The following RYR3 variants were observed in gnomAD, a reference collection of about 807,000 sequenced individuals.
The protein encoded by RYR3 is ryanodine receptor 3.
RYR3 carries 207 observed loss-of-function variants against 584.3 expected under a neutral mutation model. The observed-to-expected ratio is 0.35, with a 90% CI of 0.32 to 0.40. The LOEUF (loss-of-function observed/expected upper bound fraction) is 0.40, where lower values mean the gene tolerates loss of function less well. Among genes scored for constraint, RYR3 ranks in the 10% least tolerant of loss-of-function variants. The probability of loss-of-function intolerance (pLI) is 1.00; values close to 1 mark genes in which losing one functional copy is unlikely to be tolerated. For synonymous variants in RYR3, 2,416 were observed against 2,248.5 expected, an observed-to-expected ratio of 1.07 and a Z score of -2.11; for missense variants, 5,616 against 6,089.2, an observed-to-expected ratio of 0.92 and a Z score of 2.59.
intron 38 of RYR3, among the ~76,000 whole-genome samples, chr15:33,694,547 A>ATT (rs34090098): frequency 6.6e-6 from 1 of 151,820 alleles, no homozygotes; most frequent in East Asian, 1.9e-4. Flanking sequence ...CCTGGCCTAG[A>ATT]TTTTTTTGAA....
intron 1 of RYR3, among the ~76,000 whole-genome samples, chr15:33,364,567 T>C (rs543721832): frequency 1.3e-3 from 198 of 152,280 alleles, no homozygotes; most frequent in Admixed American, 3.4e-3. Context: ...ACTTCAAATA[T>C]TTGGGCCTGT....
In RYR3 at chr15:33,586,071, C is replaced by G. The variant is rs762956231; in HGVS notation, c.1743C>G (p.Ile581Met). 1 of 1,613,372 alleles carries G rather than the reference C, an allele frequency of 6.2e-7. No individual in the cohort carries two copies. The highest frequency in any genetic ancestry group is 2.2e-5 in the East Asian group (1 of 44,870). The change falls in exon 16 of 104, where the codon ATC becomes ATG. Residue 581 changes from isoleucine (I) to methionine (M), a missense_variant. Physicochemically the swap from Ile to Met is conservative, Grantham distance 10. Transcript: ENST00000634891. ...TAAATCTGATAGCGGAGGGCCACATCAAGTCGATCATCTCCCTGTTGGATA... is the reference window on the plus strand; with the variant it reads ...TAAATCTGATAGCGGAGGGCCACATGAAGTCGATCATCTCCCTGTTGGATA... Reference protein sequence around the residue: ...EALNLIAEGHIKSIISLLDKH... With the variant: ...EALNLIAEGHMKSIISLLDKH...
intron 92 of RYR3, among the ~76,000 whole-genome samples, chr15:33,843,911 G>A (rs916072545): frequency 6.6e-6 from 1 of 152,106 alleles, no homozygotes; most frequent in Admixed American, 6.5e-5. Flanking sequence ...CTTTCTTCAA[G>A]GAATAAGGTA....
At position 33,813,012 on chromosome 15, in the gene RYR3, T is replaced by G. The variant is rs1275394282; in HGVS notation, c.10389+18T>G. The G allele has an allele frequency of 6.2e-7, 1 of 1,613,652 alleles. No homozygotes were observed. The highest frequency in any genetic ancestry group is 1.3e-5 in the African/African-American group (1 of 74,908). On this transcript the variant is annotated intron_variant, in intron 73 of 103. Coordinates refer to ENST00000634891, the MANE Select transcript of RYR3 (RefSeq NM_001036.6). ...TGGAACAGGTAAGGAGCATCTGCCC[T>G]GAGGAATGGGGAAGCAGAAACACCC...
intron 48 of RYR3, among the ~76,000 whole-genome samples, chr15:33,735,766 G>T (rs1235889892): frequency 1.3e-5 from 2 of 152,148 alleles, no homozygotes; most frequent in Non-Finnish European, 2.9e-5. Context: ...CCAGTAGTGA[G>T]AATTTCATGG....
chr15:33,742,616 T>C (rs55804668), intron 52 of RYR3, among the ~76,000 whole-genome samples, 172 bp downstream of exon 52: 2,379 of 152,272 alleles, frequency 0.016, 27 homozygotes, highest in Middle Eastern at 0.048. Context: ...GTCAAAGAAA[T>C]AGGTGACAGC....
intron 23 of RYR3, among the ~76,000 whole-genome samples, chr15:33,632,174 T>C (rs1470198398): frequency 6.6e-6 from 1 of 152,254 alleles, no homozygotes; most frequent in East Asian, 1.9e-4. Context: ...CCTGGATGGA[T>C]TGAGCCCTGG....
At chr15:33,466,693 G>A (rs999647483) in intron 1 of RYR3, among the ~76,000 whole-genome samples, 2 of 152,182 alleles carry the variant, frequency 1.3e-5, no homozygotes, top group African/African-American at 4.8e-5. Context: ...TATTGTAGAA[G>A]CAAACAGGGT....
At chr15:33,711,234 CATT>C (rs1409089191) in intron 43 of RYR3, among the ~76,000 whole-genome samples, 1,381 of 84,484 alleles carry the variant, frequency 0.016, 37 homozygotes, top group African/African-American at 0.056. Flanking sequence ...TTCTTTCTTT[CATT>C]TTTTTTTTTT....
intron 14 of RYR3, among the ~76,000 whole-genome samples, chr15:33,583,894 A>G (rs573179573): frequency 9.9e-5 from 15 of 152,206 alleles, no homozygotes; most frequent in African/African-American, 3.6e-4. Flanking sequence ...TCTACTAAAA[A>G]TACAAAAATT....
At chr15:33,695,639 A>G (rs1288835388) in intron 38 of RYR3, among the ~76,000 whole-genome samples, 1 of 152,152 alleles carries the variant, frequency 6.6e-6, no homozygotes, top group African/African-American at 2.4e-5. Flanking sequence ...CCCAGTGTGG[A>G]TGCAAGTATT....
intron 92 of RYR3, 140 bp from the exon 93 acceptor site, chr15:33,844,722 A>G (rs1236372524): frequency 5.5e-6 from 4 of 731,496 alleles, no homozygotes; most frequent in Non-Finnish European, 8.8e-6. Flanking sequence ...TAAGTCACCT[A>G]AAAACCTCAT....
chr15:33,692,751 G>A (rs537779250), intron 38 of RYR3, among the ~76,000 whole-genome samples: 1 of 152,122 alleles, frequency 6.6e-6, no homozygotes, highest in South Asian at 2.1e-4. Context: ...CATGCTTTGA[G>A]GCTAAAAGGG....
At chr15:33,462,250 TG>T (rs1194187290) in intron 1 of RYR3, among the ~76,000 whole-genome samples, 1 of 152,132 alleles carries the variant, frequency 6.6e-6, no homozygotes. Context: ...AATTGCTGGA[TG>T]GTTTGTTCTG....
intron 89 of RYR3, 182 bp from the exon 90 acceptor site, chr15:33,840,643 G>T: frequency 3.3e-6 from 2 of 606,028 alleles, no homozygotes; most frequent in East Asian, 2.8e-5. Flanking sequence ...TCTTTGTCTT[G>T]GCATCTCTTC....
intron 1 of RYR3, among the ~76,000 whole-genome samples, chr15:33,462,948 ATTGC>A (rs1368267063): frequency 1.3e-5 from 2 of 152,224 alleles, no homozygotes; most frequent in East Asian, 3.9e-4. Context: ...TGGGAGGCTG[ATTGC>A]TTGAGCCCAG....
At chr15:33,664,180 G>A (rs949158623) in intron 36 of RYR3, among the ~76,000 whole-genome samples, 12 of 152,172 alleles carry the variant, frequency 7.9e-5, no homozygotes, top group East Asian at 3.9e-4. Flanking sequence ...CTTCTAATGC[G>A]TCTAAACCCC....
chr15:33,865,105 A>T (rs1454136470), intron 103 of RYR3, 26 bp from the exon 104 acceptor site: 1 of 1,563,204 alleles, frequency 6.4e-7, no homozygotes, highest in South Asian at 1.1e-5. Flanking sequence ...TTTAAAAATA[A>T]GCACCCGTTG....
intron 60 of RYR3, among the ~76,000 whole-genome samples, chr15:33,759,149 C>T (rs1413064039): frequency 2.6e-5 from 4 of 152,204 alleles, no homozygotes; most frequent in African/African-American, 9.7e-5. Flanking sequence ...AGGTCACCAA[C>T]ATCAAAGATC....
Sources: allele counts gnomAD v4.1 joint callset (sites outside exome capture counted in the v4.1 genomes callset), GRCh38; gene constraint gnomAD v4.1.1; transcripts MANE v1.5; gene names NCBI Gene and HGNC (gene_info 2026-07-23, HGNC 2026-07-21).